GRAMD4: variants seen among roughly 807,000 people sequenced by gnomAD.
The protein encoded by GRAMD4 is GRAM domain-containing protein 4.
GRAMD4 carries 25 observed loss-of-function variants against 83.9 expected under a neutral mutation model. That is an observed-to-expected ratio of 0.30 (90% CI 0.22 to 0.42). The LOEUF (loss-of-function observed/expected upper bound fraction) is 0.42, where lower values mean the gene tolerates loss of function less well. Among genes scored for constraint, GRAMD4 ranks in the 10% least tolerant of loss-of-function variants. The probability of loss-of-function intolerance (pLI) is 1.00; values close to 1 mark genes in which losing one functional copy is unlikely to be tolerated. For synonymous variants in GRAMD4, 336 were observed against 320.9 expected (o/e 1.05, Z -0.50); for missense variants, 593 against 788.7 (o/e 0.75, Z 2.97).
intron 2 of GRAMD4, among the ~76,000 whole-genome samples, chr22:46,633,879 T>A (rs866228518): frequency 6.6e-6 from 1 of 152,226 alleles, no homozygotes; most frequent in African/African-American, 2.4e-5. Flanking sequence ...GGATCCTTGA[T>A]TGTTGTTTAG....
intron 2 of GRAMD4, among the ~76,000 whole-genome samples, chr22:46,630,192 T>C (rs1005605454): frequency 2.6e-5 from 4 of 151,946 alleles, no homozygotes; most frequent in African/African-American, 7.3e-5. Flanking sequence ...GCCCGGCTAA[T>C]ATTTTGTATT....
At chr22:46,601,145 A>G (rs1382169818) in intron 1 of GRAMD4, among the ~76,000 whole-genome samples, 1 of 151,936 alleles carries the variant, frequency 6.6e-6, no homozygotes, top group African/African-American at 2.4e-5. Context: ...CTCTGTCTCA[A>G]AGAAAAAAAA....
At chr22:46,579,770 C>T (rs2081079509) in intron 1 of GRAMD4, among the ~76,000 whole-genome samples, 1 of 152,154 alleles carries the variant, frequency 6.6e-6, no homozygotes, top group South Asian at 2.1e-4. Context: ...ATTGGGGTTC[C>T]AGTCCTGTCA....
At position 46,669,721 on chromosome 22, in the gene GRAMD4, A is replaced by G. The variant is rs534048386; in HGVS notation, c.1084+813A>G. ...CTCCCAAGTAGCTGGGACTACAGGC[A>G]CCCGCCACCACGCCCAGCTAATTTT... On this transcript the variant is annotated intron_variant, in intron 13 of 18. Coordinates refer to ENST00000406902, the MANE Select transcript of GRAMD4 (RefSeq NM_015124.5). Among the ~76,000 whole-genome samples, 44 of 151,086 alleles carry G rather than the reference A, an allele frequency of 2.9e-4. No individual in the cohort carries two copies. The South Asian group carries it at 7.1e-3, about 24-fold the overall frequency.
At chr22:46,636,972 C>T (rs571301916) in intron 2 of GRAMD4, among the ~76,000 whole-genome samples, 2 of 152,326 alleles carry the variant, frequency 1.3e-5, no homozygotes, top group Admixed American at 1.3e-4. Context: ...CTCACTGGGG[C>T]TGTGAGCCGC....
At chr22:46,626,351 T>C (rs1332077196) in intron 1 of GRAMD4, among the ~76,000 whole-genome samples, 1 of 152,162 alleles carries the variant, frequency 6.6e-6, no homozygotes, top group Non-Finnish European at 1.5e-5. Flanking sequence ...CAGAGCAGCA[T>C]TCTTCCCTTG....
At chr22:46,654,888 C>T (rs1212727911) in intron 3 of GRAMD4, among the ~76,000 whole-genome samples, 12 of 152,202 alleles carry the variant, frequency 7.9e-5, no homozygotes, top group South Asian at 6.2e-4. Context: ...GGCTTGGAAA[C>T]GTCACACTGT....
intron 3 of GRAMD4, among the ~76,000 whole-genome samples, chr22:46,646,864 T>G (rs957927432): frequency 2.6e-5 from 4 of 152,182 alleles, no homozygotes; most frequent in African/African-American, 9.7e-5. Context: ...CTCACAATCA[T>G]GGCGGAAGGC....
At chr22:46,624,795 C>T (rs1247218172) in intron 1 of GRAMD4, among the ~76,000 whole-genome samples, 1 of 152,176 alleles carries the variant, frequency 6.6e-6, no homozygotes, top group East Asian at 1.9e-4. Flanking sequence ...TCCTGGGGTC[C>T]TCCCAGCTTC....
At chr22:46,676,740 C>A in intron 18 of GRAMD4, 72 bp downstream of exon 18, 1 of 1,341,480 alleles carries the variant, frequency 7.5e-7, no homozygotes, top group South Asian at 1.2e-5. Context: ...AACCCTGGGA[C>A]CAGCGTGGGG....
At chr22:46,614,000 T>TC (rs1319945315) in intron 1 of GRAMD4, among the ~76,000 whole-genome samples, 1 of 152,170 alleles carries the variant, frequency 6.6e-6, no homozygotes, top group Non-Finnish European at 1.5e-5. Context: ...TGAGGAGGGA[T>TC]CTGGAGGCGG....
Position 46,597,724 on chromosome 22 carries a change from C to A in GRAMD4, c.-50+20434C>A, listed in dbSNP as rs191175725. On this transcript the variant is annotated intron_variant, in intron 1 of 1. Coordinates refer to the GRAMD4 transcript ENST00000431155. ...CAGGATGGTCTCGATCTCCTGACCT[C>A]GTGATCTGCCCGCTTCGGCCTCCCA... 7.2e-5 allele frequency among the ~76,000 whole-genome samples: 11 copies of A among 152,234 alleles called. No individual in the cohort carries two copies. The East Asian group carries it at 2.1e-3, about 29-fold the overall frequency.
intron 1 of GRAMD4, among the ~76,000 whole-genome samples, chr22:46,612,814 G>A (rs138504): frequency 0.8 from 121,052 of 152,034 alleles, 48,901 homozygotes; most frequent in East Asian, 1. Flanking sequence ...GCCAGTGGGT[G>A]GCCGAAGGCT....
chr22:46,671,838 A>C (rs1444843399), intron 13 of GRAMD4, among the ~76,000 whole-genome samples: 1 of 152,378 alleles, frequency 6.6e-6, no homozygotes. Context: ...TGTCTCAAAA[A>C]AAAGAATCAA....
chr22:46,601,686 C>T (rs954065788), intron 1 of GRAMD4, among the ~76,000 whole-genome samples: 1 of 152,068 alleles, frequency 6.6e-6, no homozygotes, highest in African/African-American at 2.4e-5. Context: ...ATCCCAGCCA[C>T]TCGGGAGGCT....
chr22:46,649,638 G>A (rs1434063473), intron 3 of GRAMD4, among the ~76,000 whole-genome samples: 1 of 152,232 alleles, frequency 6.6e-6, no homozygotes, highest in Non-Finnish European at 1.5e-5. Flanking sequence ...TCAACATTAG[G>A]ATGTGACGCA....
intron 6 of GRAMD4, among the ~76,000 whole-genome samples, chr22:46,663,626 G>A (rs747057692): frequency 1.2e-4 from 19 of 152,224 alleles, no homozygotes; most frequent in Middle Eastern, 3.2e-3. Context: ...AGTCGCCCCT[G>A]CCTTCCTAAC....
intron 1 of GRAMD4, among the ~76,000 whole-genome samples, chr22:46,584,191 G>T (rs1569244143): frequency 6.6e-6 from 1 of 151,978 alleles, no homozygotes; most frequent in Non-Finnish European, 1.5e-5. Flanking sequence ...TCCATTCCCT[G>T]CCCAGGCCTA....
At chr22:46,625,549 C>A (rs1368982952) in intron 1 of GRAMD4, among the ~76,000 whole-genome samples, 1 of 152,294 alleles carries the variant, frequency 6.6e-6, no homozygotes, top group Non-Finnish European at 1.5e-5. Context: ...TTACTGGCAT[C>A]TTTCCATTTT....
Sources: allele counts gnomAD v4.1 joint callset (sites outside exome capture counted in the v4.1 genomes callset), GRCh38; gene constraint gnomAD v4.1.1; transcripts MANE v1.5; gene names NCBI Gene and HGNC (gene_info 2026-07-23, HGNC 2026-07-21).